ULK4: variants seen among roughly 807,000 people sequenced by gnomAD.
ULK4 encodes inactive serine/threonine-protein kinase ULK4.
A neutral mutation model predicts 160.6 loss-of-function variants in ULK4; 133 were observed. That is an observed-to-expected ratio of 0.83 (90% CI 0.72 to 0.96). ULK4 has a LOEUF of 0.96. ULK4 is among the 40% of genes least tolerant of loss of function. ULK4 has a pLI of 0.00. For missense variants in ULK4, 1,580 were observed against 1,499.5 expected (o/e 1.05, Z -0.89); for synonymous variants, 534 against 539.8 (o/e 0.99, Z 0.15).
intron 35 of ULK4, among the ~76,000 whole-genome samples, chr3:41,250,021 G>A (rs1045569615): frequency 1.3e-5 from 2 of 152,240 alleles, no homozygotes; most frequent in African/African-American, 4.8e-5. Context: ...CCAAGAAGGT[G>A]CCTGGGGACC....
intron 32 of ULK4, among the ~76,000 whole-genome samples, chr3:41,464,353 G>A (rs970651588): frequency 1.3e-5 from 2 of 151,778 alleles, no homozygotes; most frequent in Non-Finnish European, 2.9e-5. Context: ...TACCTCCTGT[G>A]GCCAAAAAAA....
intron 32 of ULK4, among the ~76,000 whole-genome samples, chr3:41,516,389 C>A (rs1252266127): frequency 6.6e-6 from 1 of 151,904 alleles, no homozygotes; most frequent in Non-Finnish European, 1.5e-5. Context: ...ATAAACTAAA[C>A]CTGAAGAAAA....
At chr3:41,532,542 T>C (rs1022452789) in intron 32 of ULK4, among the ~76,000 whole-genome samples, 2 of 152,190 alleles carry the variant, frequency 1.3e-5, no homozygotes, top group South Asian at 2.1e-4. Context: ...GTTTTATTCA[T>C]TGCTGTATTC....
intron 32 of ULK4, among the ~76,000 whole-genome samples, chr3:41,523,873 C>T (rs903684852): frequency 6.6e-6 from 1 of 152,022 alleles, no homozygotes; most frequent in Admixed American, 6.5e-5. Context: ...GTGGAAACAA[C>T]CTATATTCTA....
Position 41,597,118 on chromosome 3 carries a change from CCT to C in ULK4, c.3120+18549_3120+18550del, listed in dbSNP as rs765467999. Among the ~76,000 whole-genome samples the C allele has an allele frequency of 5.3e-5, 8 of 152,282 alleles. No homozygotes were observed. In the South Asian group the frequency reaches 1.7e-3, roughly 32 times the overall value. On this transcript the variant is annotated intron_variant, in intron 31 of 36. Coordinates refer to ENST00000301831, the MANE Select transcript of ULK4 (RefSeq NM_017886.4). ...TCATAAGTAAAGTCCTGTGAGGACCCCTGTTTTCACACAGCACGGAGGTGACT... is the reference window on the plus strand; with the variant it reads ...TCATAAGTAAAGTCCTGTGAGGACCCGTTTTCACACAGCACGGAGGTGACT...
intron 35 of ULK4, among the ~76,000 whole-genome samples, chr3:41,389,487 A>G (rs1424648690): frequency 6.6e-6 from 1 of 152,206 alleles, no homozygotes; most frequent in African/African-American, 2.4e-5. Flanking sequence ...TTGCCCATTC[A>G]GCATGATATT....
intron 19 of ULK4, among the ~76,000 whole-genome samples, 195 bp downstream of exon 19, chr3:41,819,228 A>G (rs1393472175): frequency 6.6e-6 from 1 of 152,228 alleles, no homozygotes. Context: ...AAACAAGTGA[A>G]TGAGAAAGCT....
intron 17 of ULK4, among the ~76,000 whole-genome samples, chr3:41,840,644 G>C (rs572011165): frequency 3.9e-5 from 6 of 152,344 alleles, no homozygotes; most frequent in African/African-American, 9.6e-5. Context: ...CCGGGGTGCT[G>C]GGATTGCAGA....
At chr3:41,664,801 T>C (rs879587033) in intron 29 of ULK4, among the ~76,000 whole-genome samples, 2 of 152,166 alleles carry the variant, frequency 1.3e-5, no homozygotes, top group Admixed American at 6.5e-5. Flanking sequence ...TGCACAGCAT[T>C]CTTATTATTA....
At position 41,317,063 on chromosome 3, in the gene ULK4, ATTTTTTTTTT is replaced by A. The variant is rs1164870603; in HGVS notation, c.3679-67499_3679-67490del. ...TGATGTAAAATAGGCAATTACATCT[ATTTTTTTTTT>A]TTTTTTTTTTTTTGAGACGGAGTCT... On this transcript the variant is annotated intron_variant, in intron 35 of 36. Coordinates refer to ENST00000301831, the MANE Select transcript of ULK4 (RefSeq NM_017886.4). Among the ~76,000 whole-genome samples, 110 of 94,552 alleles carry A rather than the reference ATTTTTTTTTT, an allele frequency of 1.2e-3. 1 individual carries two copies. Among genetic ancestry groups the A allele is most frequent in the Admixed American group, 2.5e-3 (18 of 7,296 alleles). The allele number at this position is 94,552 out of a possible 152,430, so 62.0% of individuals were successfully genotyped here. A position where few individuals can be genotyped will look rare whatever the true frequency, so the allele number is the denominator to read the frequency against.
At chr3:41,919,143 T>A (rs992356474) in intron 6 of ULK4, among the ~76,000 whole-genome samples, 3 of 152,174 alleles carry the variant, frequency 2.0e-5, no homozygotes, top group Non-Finnish European at 2.9e-5. Context: ...TTGCAAGGCA[T>A]CTTTACAAAA....
At chr3:41,934,802 GA>G (rs368598466) in intron 4 of ULK4, among the ~76,000 whole-genome samples, 164 of 152,116 alleles carry the variant, frequency 1.1e-3, no homozygotes, top group African/African-American at 3.8e-3. Context: ...ATATAGCCAA[GA>G]ATGCCACTAT....
At chr3:41,773,511 A>C (rs866519713) in intron 21 of ULK4, among the ~76,000 whole-genome samples, 66 of 152,088 alleles carry the variant, frequency 4.3e-4, no homozygotes, top group African/African-American at 1.2e-3. Context: ...ATCCAACTTA[A>C]AAGGGATGTC....
At chr3:41,303,028 G>A (rs567505085) in intron 35 of ULK4, among the ~76,000 whole-genome samples, 1 of 152,242 alleles carries the variant, frequency 6.6e-6, no homozygotes, top group South Asian at 2.1e-4. Context: ...ATTTATGTCA[G>A]AAGGAACAAA....
intron 32 of ULK4, among the ~76,000 whole-genome samples, chr3:41,563,649 T>C (rs1017941326): frequency 6.6e-6 from 1 of 152,212 alleles, no homozygotes; most frequent in Admixed American, 6.5e-5. Context: ...CTTGATTGAA[T>C]TGGCTACTGA....
chr3:41,253,129 A>T (rs2078770378), intron 35 of ULK4, among the ~76,000 whole-genome samples: 1 of 152,132 alleles, frequency 6.6e-6, no homozygotes. Context: ...AAACTAATAG[A>T]AGCAGAGCTG....
intron 35 of ULK4, among the ~76,000 whole-genome samples, chr3:41,395,904 C>T (rs1270644980): frequency 1.3e-5 from 2 of 152,036 alleles, no homozygotes; most frequent in Non-Finnish European, 2.9e-5. Flanking sequence ...CAAAATCTAC[C>T]CGGCCCTATA....
chr3:41,665,132 G>A (rs1357434390), intron 29 of ULK4, among the ~76,000 whole-genome samples: 1 of 152,116 alleles, frequency 6.6e-6, no homozygotes, highest in African/African-American at 2.4e-5. Context: ...AAAAATCTAT[G>A]ATATAAAACA....
chr3:41,731,095 A>C lies in ULK4; in HGVS notation c.2322-13234T>G, dbSNP rs567026609. ...AAATGTAATACCTGAATAGGAAAAAAAATAAATGGAAAGCTTTTCCTCTAA... is the reference window on the plus strand; with the variant it reads ...AAATGTAATACCTGAATAGGAAAAACAATAAATGGAAAGCTTTTCCTCTAA... On this transcript the variant is annotated intron_variant, in intron 22 of 36. Transcript: ENST00000301831. Among the ~76,000 whole-genome samples, 4 of 152,272 alleles carry C rather than the reference A, an allele frequency of 2.6e-5. No homozygotes were observed. In the South Asian group the frequency reaches 8.3e-4, roughly 32 times the overall value.
Sources: gnomAD v4.1 joint callset for allele counts (sites outside exome capture counted in the v4.1 genomes callset) on GRCh38, gnomAD v4.1.1 for gene constraint, MANE v1.5 for transcripts, NCBI Gene and HGNC (gene_info 2026-07-23, HGNC 2026-07-21) for gene names.